The following EPB41 variants were observed in gnomAD, a reference collection of about 807,000 sequenced individuals.
The protein encoded by EPB41 is erythrocyte membrane protein band 4.1.
In EPB41, 65 loss-of-function variants were observed where a neutral mutation model predicts 108.0. The observed-to-expected ratio is 0.60, with a 90% CI of 0.49 to 0.74. The LOEUF is 0.74. EPB41 is among the 30% of genes least tolerant of loss of function. The probability of loss-of-function intolerance (pLI) is 0.00; values close to 1 mark genes in which losing one functional copy is unlikely to be tolerated. For missense variants in EPB41, 875 were observed against 1,037.0 expected (o/e 0.84, Z 2.15); for synonymous variants, 336 against 358.9 (o/e 0.94, Z 0.72).
In EPB41 at chr1:28,996,775, AC is replaced by A. The variant is rs1335491750; in HGVS notation, c.682-438del. Reference sequence around the variant, plus strand: ...GTAGCCACCTGAAAGTTTGTTGATCACCAAAGATGAAAGAAGAAATCGGAAA... The same window carrying A: ...GTAGCCACCTGAAAGTTTGTTGATCACAAAGATGAAAGAAGAAATCGGAAA... On this transcript the variant is annotated intron_variant, in intron 3 of 20. Transcript: ENST00000343067. Among the ~76,000 whole-genome samples, 15 of 152,216 alleles carry A rather than the reference AC, an allele frequency of 9.9e-5. 1 individual carries two copies. The highest frequency in any genetic ancestry group is 5.9e-4 in the Admixed American group (9 of 15,272).
chr1:29,107,015 T>C (rs1479961667), intron 17 of EPB41, among the ~76,000 whole-genome samples: 2 of 151,160 alleles, frequency 1.3e-5, no homozygotes, highest in Admixed American at 6.6e-5. Context: ...GAAACCCTGT[T>C]TCTACTAAAA....
At chr1:28,958,973 C>T (rs567650705) in intron 1 of EPB41, among the ~76,000 whole-genome samples, 35 of 151,824 alleles carry the variant, frequency 2.3e-4, no homozygotes, top group Non-Finnish European at 4.4e-4. Context: ...GAAAACATGG[C>T]GTGTGGGCAG....
chr1:29,003,879 C>T (rs2096351090), intron 4 of EPB41, among the ~76,000 whole-genome samples: 1 of 152,210 alleles, frequency 6.6e-6, no homozygotes, highest in Admixed American at 6.5e-5. Flanking sequence ...TCTCACGCCT[C>T]AGCCTCCTAA....
Position 28,887,205 on chromosome 1 carries a change from G to A in EPB41, c.-13G>A. The stretch of plus-strand genomic sequence containing the variant: ...GTCGGCCCGGTCCCCGCCGCACCCA[G>A]CCCAGGTGAGCCTGGACCACCTGGG... On this transcript the variant is annotated 5_prime_UTR_variant, in exon 1 of 17. Coordinates refer to the EPB41 transcript ENST00000347529. This position sits in a 1 kb window ranked among gnomAD's most constrained non-coding sequence, Gnocchi z 4.9. 2 of 1,270,924 alleles carry A rather than the reference G, an allele frequency of 1.6e-6. No individual in the cohort carries two copies. Among genetic ancestry groups the A allele is most frequent in the Non-Finnish European group, 2.1e-6 (2 of 972,972 alleles). 78.7% of individuals were successfully genotyped at this position (1,270,924 alleles called of 1,614,324 possible). A position where few individuals can be genotyped will look rare whatever the true frequency, so the allele number is the denominator to read the frequency against.
intron 11 of EPB41, among the ~76,000 whole-genome samples, chr1:29,039,650 T>C (rs1368962113): frequency 1.3e-5 from 2 of 151,986 alleles, no homozygotes; most frequent in Non-Finnish European, 2.9e-5. Context: ...CCATCTCTAC[T>C]AAAAATACAA....
At chr1:28,895,584 G>C (rs1020244329) in intron 1 of EPB41, among the ~76,000 whole-genome samples, 2 of 152,044 alleles carry the variant, frequency 1.3e-5, no homozygotes, top group Non-Finnish European at 2.9e-5. Context: ...CCACCTCCTG[G>C]GTTCAAGCAA....
At chr1:29,011,577 A>C (rs557074896) in intron 4 of EPB41, among the ~76,000 whole-genome samples, 1 of 152,352 alleles carries the variant, frequency 6.6e-6, no homozygotes, top group South Asian at 2.1e-4. Context: ...AACACTATGA[A>C]GTAGGCACTA....
chr1:28,923,088 C>T lies in EPB41; in HGVS notation c.-8+8320C>T, dbSNP rs1260097853. Among the ~76,000 whole-genome samples, 7 of 148,952 alleles carry T rather than the reference C, an allele frequency of 4.7e-5. No homozygotes were observed. In the South Asian group the frequency reaches 1.5e-3, roughly 32 times the overall value. On this transcript the variant is annotated intron_variant, in intron 1 of 20. Coordinates refer to ENST00000343067, the MANE Select transcript of EPB41 (RefSeq NM_001376013.1). ...GTAATTAGCCTTAAACCTTTTTCTT[C>T]CTTCTTTCCTTTCTTTTCTTTTCTT...
chr1:29,044,108 C>G (rs1331633855), intron 11 of EPB41, among the ~76,000 whole-genome samples: 1 of 152,186 alleles, frequency 6.6e-6, no homozygotes, highest in Non-Finnish European at 1.5e-5. Flanking sequence ...ATAACAATAT[C>G]AGGCATCTCC....
chr1:29,074,793 A>C (rs1653140283), intron 16 of EPB41, among the ~76,000 whole-genome samples: 1 of 152,238 alleles, frequency 6.6e-6, no homozygotes, highest in South Asian at 2.1e-4. Flanking sequence ...CTAAAAGCCA[A>C]ATAACTTGAA....
intron 16 of EPB41, among the ~76,000 whole-genome samples, chr1:29,076,563 C>T (rs900894998): frequency 1.3e-5 from 2 of 152,194 alleles, no homozygotes; most frequent in African/African-American, 4.8e-5. Flanking sequence ...CCTTTACATA[C>T]TGGAGTTGTC....
intron 11 of EPB41, among the ~76,000 whole-genome samples, chr1:29,048,071 A>C (rs1267789347): frequency 6.6e-6 from 1 of 152,032 alleles, no homozygotes; most frequent in Admixed American, 6.6e-5. Context: ...GGCGTGAGTG[A>C]GCCACCGAGC....
chr1:28,976,335 T>C (rs1346968977), intron 1 of EPB41, among the ~76,000 whole-genome samples: 1 of 152,146 alleles, frequency 6.6e-6, no homozygotes, highest in Non-Finnish European at 1.5e-5. Flanking sequence ...GCTGCTATTA[T>C]TATTGTTACT....
chr1:28,924,298 G>A (rs561391857), intron 1 of EPB41, among the ~76,000 whole-genome samples: 9 of 152,374 alleles, frequency 5.9e-5, no homozygotes, highest in African/African-American at 2.2e-4. Context: ...GGAGGCCAAG[G>A]TGGGTGGATC....
chr1:28,890,838 A>AC, intron 1 of EPB41: 1 of 863,226 alleles, frequency 1.2e-6, no homozygotes. Context: ...CAAAGCCCAG[A>AC]CCTAACTAAG....
In EPB41 at chr1:29,024,920, C is replaced by T. The variant is rs1363573427; in HGVS notation, c.1125-5480C>T. On this transcript the variant is annotated intron_variant, in intron 7 of 20. Coordinates refer to ENST00000343067, the MANE Select transcript of EPB41 (RefSeq NM_001376013.1). ...GCTCCTTTTTGGAAAGATTTGCAACCCTCACAAACCCAAAGGAACAATTTA... is the reference window on the plus strand; with the variant it reads ...GCTCCTTTTTGGAAAGATTTGCAACTCTCACAAACCCAAAGGAACAATTTA... 2.6e-5 allele frequency among the ~76,000 whole-genome samples: 4 copies of T among 151,926 alleles called. 1 individual carries two copies. The highest frequency in any genetic ancestry group is 7.3e-5 in the African/African-American group (3 of 41,220).
intron 1 of EPB41, among the ~76,000 whole-genome samples, chr1:28,927,370 G>GA (rs1258355070): frequency 6.6e-6 from 1 of 151,908 alleles, no homozygotes; most frequent in Non-Finnish European, 1.5e-5. Flanking sequence ...TTTTACCTGT[G>GA]AAAAAAAATT....
At chr1:28,958,549 C>T (rs2095055339) in intron 1 of EPB41, among the ~76,000 whole-genome samples, 2 of 151,934 alleles carry the variant, frequency 1.3e-5, no homozygotes, top group Admixed American at 1.3e-4. Flanking sequence ...CAGTAGCTCA[C>T]GTCTGTAATC....
Position 29,039,317 on chromosome 1 carries a change from C to A in EPB41, c.1527C>A (p.Tyr509Ter). ...TTGCGCTAGGATCCAAATTTCGATA[C>A]AGTGGCCGGACTCAAGCTCAGACCA... ...KFLALGSKFRYSGRTQAQTRQ... is the reference protein window; with the variant it reads ...KFLALGSKFR Residue 509 changes from tyrosine (Y) to a stop codon, truncating the protein, a stop_gained, in exon 11 of 21, where the codon TAC becomes TAA. Transcript: ENST00000343067. LOFTEE classifies it high-confidence loss of function. 3 of 1,614,150 alleles carry A rather than the reference C, an allele frequency of 1.9e-6. No individual in the cohort carries two copies. The highest frequency in any genetic ancestry group is 2.5e-6 in the Non-Finnish European group (3 of 1,180,044).
Sources: gnomAD v4.1 joint callset for allele counts (sites outside exome capture counted in the v4.1 genomes callset) on GRCh38, gnomAD v4.1.1 for gene constraint, Gnocchi (gnomAD v3.1) non-coding constraint, MANE v1.5 for transcripts, NCBI Gene and HGNC (gene_info 2026-07-23, HGNC 2026-07-21) for gene names.